The following TRIM65 variants were observed in gnomAD, a reference collection of about 807,000 sequenced individuals.
The protein encoded by TRIM65 is E3 ubiquitin-protein ligase TRIM65.
In TRIM65, 46 loss-of-function variants were observed where a neutral mutation model predicts 36.1. That is an observed-to-expected ratio of 1.27 (90% CI 1.01 to 1.63). TRIM65 has a LOEUF of 1.63. TRIM65 is among the 40% of genes most tolerant of loss of function. TRIM65 has a pLI of 0.00. For missense variants in TRIM65, 708 were observed against 696.6 expected, an observed-to-expected ratio of 1.02 and a Z score of -0.18; for synonymous variants, 346 against 313.6, an observed-to-expected ratio of 1.10 and a Z score of -1.09.
In TRIM65 at chr17:75,896,614, G is replaced by A. The variant is rs1009243664; in HGVS notation, c.324C>T (p.Thr108=). 4.8e-6 allele frequency: 6 copies of A among 1,258,684 alleles called. No homozygotes were observed. The African/African-American group carries it at 6.2e-5, about 13-fold the overall frequency. The allele number at this position is 1,258,684 out of a possible 1,614,324, so 78.0% of individuals were successfully genotyped here. Residue 108 remains threonine (T), a synonymous_variant, in exon 1 of 6, where the codon ACC becomes ACT. Transcript: ENST00000269383. ...ACACGCTGCACACACAGCGGCCCTC[G>A]GTCCGGCAGAAGAGCTCCAGCGGCC... ...HGRPLELFCR[T]EGRCVCSVCT...
chr17:75,882,734 C>G (rs929010880), intron 4 of TRIM65, among the ~76,000 whole-genome samples: 3 of 150,680 alleles, frequency 2.0e-5, no homozygotes, highest in Non-Finnish European at 4.4e-5. Flanking sequence ...GGTCACATAA[C>G]TTGTCCTGCA....
chr17:75,887,153 TTAA>T (rs1285831158), downstream of TRIM65, among the ~76,000 whole-genome samples: 149 of 20,108 alleles, frequency 7.4e-3, no homozygotes, highest in African/African-American at 0.026. Context: ...GCCCCATCTC[TTAA>T]AAAAAAAAAA....
At chr17:75,883,774 G>T (rs147055738) in intron 4 of TRIM65, among the ~76,000 whole-genome samples, 10,813 of 151,844 alleles carry the variant, frequency 0.071, 539 homozygotes, top group Non-Finnish European at 0.11. Flanking sequence ...TGATCCACCC[G>T]CCTCGGCCTC....
At chr17:75,886,757 G>A (rs1480806532), downstream of TRIM65, among the ~76,000 whole-genome samples, 1 of 152,032 alleles carries the variant, frequency 6.6e-6, no homozygotes, top group African/African-American at 2.4e-5. Flanking sequence ...AATCTGTAAG[G>A]GGGTCTGGTG....
At chr17:75,886,516 C>T (rs1464970679), downstream of TRIM65, among the ~76,000 whole-genome samples, 20 of 126,356 alleles carry the variant, frequency 1.6e-4, no homozygotes, top group African/African-American at 6.2e-4. Context: ...AGCGAGACTC[C>T]GTTTCAAAAA....
chr17:75,892,666 C>T, intron 2 of TRIM65, 89 bp downstream of exon 2: 1 of 1,364,156 alleles, frequency 7.3e-7, no homozygotes, highest in Admixed American at 1.9e-5. Context: ...AGCCCCGCTC[C>T]CTGCTGCCTG....
chr17:75,894,509 C>T (rs1403561511), intron 1 of TRIM65, among the ~76,000 whole-genome samples: 3 of 152,238 alleles, frequency 2.0e-5, no homozygotes, highest in Non-Finnish European at 4.4e-5. Flanking sequence ...TTCCCCATCT[C>T]CCTGGGAGCT....
At chr17:75,883,926 C>T (rs1011310644) in intron 4 of TRIM65, among the ~76,000 whole-genome samples, 4 of 151,900 alleles carry the variant, frequency 2.6e-5, no homozygotes, top group African/African-American at 7.3e-5. Context: ...TCATCTGTGA[C>T]GAGGAGTTTG....
At chr17:75,883,115 T>C (rs1024478529) in intron 4 of TRIM65, among the ~76,000 whole-genome samples, 1 of 149,874 alleles carries the variant, frequency 6.7e-6, no homozygotes, top group Non-Finnish European at 1.5e-5. Flanking sequence ...TTCCTTTTCT[T>C]TATGCTTTTT....
rs1363648667 is a variant in TRIM65 at position 75,891,058 on chromosome 17, G to A, written c.1275C>T (p.Leu425=). 9.9e-6 allele frequency: 16 copies of A among 1,612,448 alleles called. No homozygotes were observed. Among genetic ancestry groups the A allele is most frequent in the Non-Finnish European group, 1.3e-5 (15 of 1,179,762 alleles). ...CCTGGAGGCTGTCCTCCTGGACGCA[G>A]AGCCCCCAGGAGCAGGGTCCCCGGC... ...NIGRGPCSWG[L]CVQEDSLQAW... is the part of the protein sequence containing the mutation. Residue 425 remains leucine (L), a synonymous_variant, in exon 6 of 6, where the codon CTC becomes CTT. Coordinates refer to ENST00000269383, the MANE Select transcript of TRIM65 (RefSeq NM_173547.4).
downstream of TRIM65, chr17:75,888,961 T>C (rs1319329809): frequency 6.6e-6 from 1 of 152,036 alleles, no homozygotes; most frequent in Non-Finnish European, 1.5e-5. Flanking sequence ...TTACACGTAT[T>C]ATCCTTTTAA....
At chr17:75,893,976 G>C (rs1022318853) in intron 1 of TRIM65, among the ~76,000 whole-genome samples, 5 of 152,104 alleles carry the variant, frequency 3.3e-5, no homozygotes, top group African/African-American at 1.2e-4. Context: ...CCTCCTCGGC[G>C]GCTTCAGCAG....
chr17:75,895,305 C>G (rs139194659), intron 1 of TRIM65, among the ~76,000 whole-genome samples: 2 of 152,266 alleles, frequency 1.3e-5, no homozygotes, highest in South Asian at 4.1e-4. Flanking sequence ...CACTCCTACC[C>G]GATTCGGGTC....
At chr17:75,887,054 G>A (rs1226877749), downstream of TRIM65, among the ~76,000 whole-genome samples, 1 of 151,322 alleles carries the variant, frequency 6.6e-6, no homozygotes, top group Non-Finnish European at 1.5e-5. Flanking sequence ...CTACTCAGGA[G>A]GCTGAGGCAG....
At chr17:75,895,599 GGTCTTTCTCCTGGCTTGC>G (rs1264582816) in intron 1 of TRIM65, among the ~76,000 whole-genome samples, 1 of 152,156 alleles carries the variant, frequency 6.6e-6, no homozygotes, top group Non-Finnish European at 1.5e-5. Flanking sequence ...CTCTTCCCCA[GGTCTTTCTCCTGGCTTGC>G]GCTTCCTCAA....
downstream of TRIM65, among the ~76,000 whole-genome samples, chr17:75,887,990 C>T (rs2065221901): frequency 6.6e-6 from 1 of 151,844 alleles, no homozygotes; most frequent in African/African-American, 2.4e-5. Context: ...CCTGTCTCTA[C>T]TAAAAAATAC....
downstream of TRIM65, among the ~76,000 whole-genome samples, chr17:75,886,661 G>C (rs1188484824): frequency 6.6e-6 from 1 of 151,876 alleles, no homozygotes; most frequent in African/African-American, 2.4e-5. Context: ...CAGCTGGCCT[G>C]TGAGGTCCCT....
Position 75,891,123 on chromosome 17 carries a change from G to C in TRIM65, c.1210C>G (p.Leu404Val), listed in dbSNP as rs373081989. The change falls in exon 6 of 6, where the codon CTG becomes GTG. Residue 404 changes from leucine (L) to valine (V), a missense_variant. Coordinates refer to ENST00000269383, the MANE Select transcript of TRIM65 (RefSeq NM_173547.4). The part of the protein sequence containing the change: ...SVTLGVSYPQ[L>V]PRCRLGPHTD... ...TGGGGCCCCAGCCTGCACCGTGGCA[G>C]TTGCGGGTAGGAGACGCCCAGTGTC... 2 of 1,608,766 alleles carry C rather than the reference G, an allele frequency of 1.2e-6. No individual in the cohort carries two copies. The highest frequency in any genetic ancestry group is 1.1e-5 in the South Asian group (1 of 91,092).
At chr17:75,887,648 A>G (rs1024845400), downstream of TRIM65, among the ~76,000 whole-genome samples, 3 of 55,800 alleles carry the variant, frequency 5.4e-5, no homozygotes, top group Non-Finnish European at 1.0e-4. Flanking sequence ...CTCCGTCTCA[A>G]AAAAAAAAAA....
Sources: allele counts gnomAD v4.1 joint callset (sites outside exome capture counted in the v4.1 genomes callset), GRCh38; gene constraint gnomAD v4.1.1; transcripts MANE v1.5; gene names NCBI Gene and HGNC (gene_info 2026-07-23, HGNC 2026-07-21).